CHD1: variants seen among roughly 807,000 people sequenced by gnomAD.
CHD1 encodes the protein chromodomain helicase DNA binding protein 1, also known as ATP-dependent chromatin remodeler CHD1.
In CHD1, 36 loss-of-function variants were observed where a neutral mutation model predicts 224.2. The observed-to-expected ratio is 0.16, with a 90% CI of 0.12 to 0.21. CHD1 has a LOEUF of 0.21. CHD1 is among the 10% of genes least tolerant of loss of function. The pLI, the probability that CHD1 is intolerant of heterozygous loss-of-function variation, is 1.00. For missense variants in CHD1, 1,378 were observed against 1,994.8 expected (o/e 0.69, Z 5.89); for synonymous variants, 668 against 658.3 (o/e 1.01, Z -0.23).
At chr5:98,897,099 T>C in intron 11 of CHD1, 94 bp downstream of exon 11, 1 of 1,224,220 alleles carries the variant, frequency 8.2e-7, no homozygotes. Context: ...TGCCAAAGAG[T>C]CTTATTCTTT....
intron 2 of CHD1, among the ~76,000 whole-genome samples, chr5:98,907,190 C>T (rs1472432910): frequency 6.6e-6 from 1 of 152,194 alleles, no homozygotes; most frequent in African/African-American, 2.4e-5. Flanking sequence ...CGAGGCTATG[C>T]TACTCTAGTT....
intron 31 of CHD1, among the ~76,000 whole-genome samples, chr5:98,866,119 AC>A (rs1354047413): frequency 4.0e-5 from 6 of 151,714 alleles, no homozygotes; most frequent in African/African-American, 1.5e-4. Context: ...AAAAACAAAA[AC>A]AAAAACAAAA....
chr5:98,908,171 A>G (rs574231796), intron 2 of CHD1, among the ~76,000 whole-genome samples: 211 of 152,304 alleles, frequency 1.4e-3, no homozygotes, highest in Middle Eastern at 3.4e-3. Flanking sequence ...CCCTAAGTTC[A>G]AGCTATGGCA....
chr5:98,892,798 A>G (rs1751104461), intron 14 of CHD1, 85 bp from the exon 15 acceptor site: 1 of 773,130 alleles, frequency 1.3e-6, no homozygotes, highest in Non-Finnish European at 1.9e-6. Flanking sequence ...TAGGGGAGTC[A>G]TTTATAAACA....
At chr5:98,925,295 C>T (rs1162945950) in intron 2 of CHD1, among the ~76,000 whole-genome samples, 2 of 152,142 alleles carry the variant, frequency 1.3e-5, no homozygotes, top group African/African-American at 4.8e-5. Context: ...CAAAGTCTCA[C>T]TATGCTGCCT....
Position 98,928,924 on chromosome 5 carries a change from GCCGCCACCGAGGTCGCCGTCGCCT to G in CHD1, c.-558_-535del. 6.5e-6 allele frequency: 1 copy of G among 154,040 alleles called. No homozygotes were observed. The highest frequency in any genetic ancestry group is 2.4e-5 in the African/African-American group (1 of 41,322). The allele number at this position is 154,040 out of a possible 1,614,324, so 9.5% of individuals were successfully genotyped here. On this transcript the variant is annotated 5_prime_UTR_variant, in exon 1 of 36. Coordinates refer to ENST00000614616, the MANE Select transcript of CHD1 (RefSeq NM_001270.4). Reference sequence around the variant, plus strand: ...CGCAACCGTCTCCGTCGTAGCCGCCGCCGCCACCGAGGTCGCCGTCGCCTCCGCCTCCCGCGCGACGTAAGCGCC... The same window carrying G: ...CGCAACCGTCTCCGTCGTAGCCGCCGCCGCCTCCCGCGCGACGTAAGCGCC...
In CHD1 at chr5:98,854,995, CTA is replaced by C. The variant is rs1247879711; in HGVS notation, c.*1383_*1384del. On this transcript the variant is annotated 3_prime_UTR_variant, in exon 36 of 36. Coordinates refer to ENST00000614616, the MANE Select transcript of CHD1 (RefSeq NM_001270.4). ...AGCCAAAAGGGGCCAACAAAAATGT[CTA>C]TGACCTAAGTTTTACTTCATAGGAA... 1.3e-5 allele frequency: 2 copies of C among 152,130 alleles called. No individual in the cohort carries two copies. Among genetic ancestry groups the C allele is most frequent in the Non-Finnish European group, 2.9e-5 (2 of 68,012 alleles). The allele number at this position is 152,130 out of a possible 1,614,324, so 9.4% of individuals were successfully genotyped here.
intron 2 of CHD1, among the ~76,000 whole-genome samples, chr5:98,911,144 A>AT (rs1321937045): frequency 6.1e-3 from 450 of 73,482 alleles, no homozygotes; most frequent in Non-Finnish European, 7.6e-3. Context: ...AAAAAAAAAA[A>AT]AAATATATAT....
intron 2 of CHD1, among the ~76,000 whole-genome samples, chr5:98,907,715 A>T (rs1464683325): frequency 2.0e-5 from 3 of 152,114 alleles, no homozygotes; most frequent in Non-Finnish European, 4.4e-5. Flanking sequence ...TGCATAAGAA[A>T]GAAAAATATT....
rs888205181 is a variant in CHD1 at position 98,868,792 on chromosome 5, A to G, written c.4108-157T>C. 6 of 790,964 alleles carry G rather than the reference A, an allele frequency of 7.6e-6. No homozygotes were observed. In the African/African-American group the frequency reaches 8.8e-5, roughly 12 times the overall value. The allele number at this position is 790,964 out of a possible 1,614,324, so 49.0% of individuals were successfully genotyped here. On this transcript the variant is annotated intron_variant, in intron 30 of 35. Transcript: ENST00000614616. The stretch of plus-strand genomic sequence containing the variant: ...CTATTTTAATTTGTTTTTTTCCCCA[A>G]TTTTATTTGGGGAAACAATCAAAGC...
chr5:98,920,720 C>A (rs1753035243), intron 2 of CHD1, among the ~76,000 whole-genome samples: 2 of 151,830 alleles, frequency 1.3e-5, no homozygotes, highest in African/African-American at 2.4e-5. Context: ...TCGTTTGAAC[C>A]CAGGAGGCGG....
rs1216187655 is a variant in CHD1 at position 98,855,847 on chromosome 5, T to C, written c.*533A>G. ...GAAATTCCTGGCTATTTTACAGATATAAGTACAGAATTTAAATATTCAAGC... is the reference window on the plus strand; with the variant it reads ...GAAATTCCTGGCTATTTTACAGATACAAGTACAGAATTTAAATATTCAAGC... On this transcript the variant is annotated 3_prime_UTR_variant, in exon 36 of 36. Transcript: ENST00000614616. The C allele has an allele frequency of 6.6e-6, 1 of 151,764 alleles. No homozygotes were observed. The allele number at this position is 151,764 out of a possible 1,614,324, so 9.4% of individuals were successfully genotyped here.
intron 2 of CHD1, among the ~76,000 whole-genome samples, chr5:98,923,863 A>G (rs1046330747): frequency 6.6e-6 from 1 of 152,146 alleles, no homozygotes; most frequent in Admixed American, 6.6e-5. Flanking sequence ...CAACTAGAAG[A>G]TTTACTCTCG....
chr5:98,894,745 CTTACA>C (rs1400693586), intron 12 of CHD1, 59 bp from the exon 13 acceptor site: 23 of 685,532 alleles, frequency 3.4e-5, no homozygotes, highest in Non-Finnish European at 4.0e-5. Flanking sequence ...TATACTTTTA[CTTACA>C]TATCTAAAAA....
intron 15 of CHD1, among the ~76,000 whole-genome samples, chr5:98,890,925 T>C (rs113939627): frequency 1.3e-5 from 2 of 152,194 alleles, no homozygotes; most frequent in South Asian, 2.1e-4. Context: ...AATTGCCATA[T>C]ATGAACCTAT....
intron 2 of CHD1, among the ~76,000 whole-genome samples, chr5:98,906,594 G>A (rs145394980): frequency 1.3e-3 from 203 of 152,204 alleles, no homozygotes; most frequent in African/African-American, 4.7e-3. Flanking sequence ...ATTTAACCTC[G>A]AGACAGTCAT....
At chr5:98,926,960 ACTC>A (rs1753507962) in intron 1 of CHD1, among the ~76,000 whole-genome samples, 1 of 150,430 alleles carries the variant, frequency 6.6e-6, no homozygotes, top group Non-Finnish European at 1.5e-5. Context: ...TCAAGCCCTC[ACTC>A]CTATCACCAA....
intron 18 of CHD1, among the ~76,000 whole-genome samples, chr5:98,883,560 G>T (rs1270391162): frequency 6.6e-6 from 1 of 151,736 alleles, no homozygotes; most frequent in East Asian, 1.9e-4. Flanking sequence ...ATTCCTTAAA[G>T]GAACTAAAAG....
At chr5:98,899,285 T>C (rs958180161) in intron 8 of CHD1, among the ~76,000 whole-genome samples, 195 bp downstream of exon 8, 2 of 152,314 alleles carry the variant, frequency 1.3e-5, no homozygotes, top group African/African-American at 2.4e-5. Context: ...TTGTTTTTTT[T>C]CCCTCCGAAT....
Sources: gnomAD v4.1 joint callset for allele counts (sites outside exome capture counted in the v4.1 genomes callset) on GRCh38, gnomAD v4.1.1 for gene constraint, MANE v1.5 for transcripts, NCBI Gene and HGNC (gene_info 2026-07-23, HGNC 2026-07-21) for gene names.